Variants in SALL2 observed in about 807,000 individuals in gnomAD.
The protein encoded by SALL2 is sal-like protein 2.
SALL2 carries 32 observed loss-of-function variants against 58.5 expected under a neutral mutation model. The observed-to-expected ratio is 0.55, with a 90% CI of 0.41 to 0.74. The LOEUF is 0.74. Ranked by LOEUF, SALL2 falls within the 30% of genes least tolerant of loss-of-function variation. The pLI is 0.00. For missense variants in SALL2, 1,201 were observed against 1,268.9 expected, an observed-to-expected ratio of 0.95 and a Z score of 0.81; for synonymous variants, 516 against 513.6, an observed-to-expected ratio of 1.00 and a Z score of -0.06.
rs767479470 is a variant in SALL2 at position 21,524,301 on chromosome 14, G to A, written c.1421C>T (p.Pro474Leu). 4.3e-6 allele frequency: 7 copies of A among 1,613,808 alleles called. No homozygotes were observed. The highest frequency in any genetic ancestry group is 5.9e-6 in the Non-Finnish European group (7 of 1,179,928). ...GAGTGCTGTTGTGGAGGCCACCAGA[G>A]GCTTGCGCTCAACCCCTCCACCTGG... ...ATPGGGVERKPLVASTTALSA... is the reference protein window; with the variant it reads ...ATPGGGVERKLLVASTTALSA... Residue 474 changes from proline (P) to leucine (L), a missense_variant, in exon 2 of 2, where the codon CCT (proline) becomes CTT (leucine). By Grantham distance (98) the Pro-to-Leu change is moderately conservative. This residue lies in a region of SALL2 where 675 missense variants were observed against 683.8 expected (regional missense o/e 0.99). Coordinates refer to ENST00000537235, the MANE Select transcript of SALL2 (RefSeq NM_001364564.1).
At chr14:21,537,108 C>G (rs889167007), upstream of SALL2, 2 of 589,994 alleles carry the variant, frequency 3.4e-6, no homozygotes, top group Non-Finnish European at 6.1e-6. Context: ...ATTCTCTGTT[C>G]TTGACTCTCT....
upstream of SALL2, among the ~76,000 whole-genome samples, chr14:21,526,901 G>C (rs1332399289): frequency 2.0e-5 from 3 of 152,014 alleles, no homozygotes; most frequent in Admixed American, 6.6e-5. Flanking sequence ...GCGGCTGCAA[G>C]GTAGAATTTC....
chr14:21,525,534 A>G lies in SALL2; in HGVS notation c.188T>C (p.Ile63Thr). The stretch of plus-strand genomic sequence containing the variant: ...GTTGGGGTTCTCCTGGCCCCCAATT[A>G]TCACCATTACAGGAGGGTCAGTAGA... The part of the protein sequence containing the change: ...ACSTDPPVMV[I>T]IGGQENPNNS... Residue 63 changes from isoleucine (I) to threonine (T), a missense_variant, in exon 2 of 2, where the codon ATA (isoleucine) becomes ACA (threonine). Around this residue, in one of 3 missense-constraint regions of SALL2, gnomAD observed 467 missense variants for 468.9 expected, o/e 1.00. Transcript: ENST00000537235. This position sits in a 1 kb window ranked among gnomAD's most constrained non-coding sequence, Gnocchi z 4.4. 1 of 1,613,966 alleles carries G rather than the reference A, an allele frequency of 6.2e-7. No individual in the cohort carries two copies. Among genetic ancestry groups the G allele is most frequent in the Non-Finnish European group, 8.5e-7 (1 of 1,179,950 alleles).
chr14:21,536,521 G>A (rs1942251513), intron 1 of SALL2, among the ~76,000 whole-genome samples: 1 of 152,246 alleles, frequency 6.6e-6, no homozygotes, highest in Non-Finnish European at 1.5e-5. Flanking sequence ...CAGGTCTGAG[G>A]ACGTTACTTA....
chr14:21,525,088 C>A lies in SALL2; in HGVS notation c.634G>T (p.Gly212Cys). The A allele has an allele frequency of 6.2e-7, 1 of 1,614,148 alleles. No individual in the cohort carries two copies. Among genetic ancestry groups the A allele is most frequent in the Middle Eastern group, 1.6e-4 (1 of 6,062 alleles). The change falls in exon 2 of 2, where the codon GGC becomes TGC. Residue 212 changes from glycine (G) to cysteine (C), a missense_variant. Physicochemically the swap from Gly to Cys is radical, Grantham distance 159. This residue lies in a region of SALL2 where 467 missense variants were observed against 468.9 expected (regional missense o/e 1.00). Coordinates refer to ENST00000537235, the MANE Select transcript of SALL2 (RefSeq NM_001364564.1). This position sits in a 1 kb window ranked among gnomAD's most constrained non-coding sequence, Gnocchi z 4.4. ...CRQVLLLGSLGQTVGAPASPS... is the reference protein window; with the variant it reads ...CRQVLLLGSLCQTVGAPASPS... ...CTGGCAGGGGCACCCACCGTCTGGC[C>A]TAAGGAGCCAAGCAACAGCACCTGC... is the stretch of plus-strand genomic sequence containing the variant.
Position 21,525,542 on chromosome 14 carries a change from T to C in SALL2, c.180A>G (p.Val60=), listed in dbSNP as rs1424081447. Residue 60 remains valine (V), a synonymous_variant, in exon 2 of 2, where the codon GTA becomes GTG. Transcript: ENST00000537235. This position sits in a 1 kb window ranked among gnomAD's most constrained non-coding sequence, Gnocchi z 4.4. The part of the protein sequence containing the change: ...HQNACSTDPP[V]MVIIGGQENP... ...TCTCCTGGCCCCCAATTATCACCAT[T>C]ACAGGAGGGTCAGTAGAACATGCGT... 6.2e-7 allele frequency: 1 copy of C among 1,613,790 alleles called. No homozygotes were observed. Among genetic ancestry groups the C allele is most frequent in the Non-Finnish European group, 8.5e-7 (1 of 1,179,960 alleles).
chr14:21,526,017 C>T lies in SALL2; in HGVS notation c.67+44G>A, dbSNP rs980756283. 5.5e-6 allele frequency: 7 copies of T among 1,263,754 alleles called. No homozygotes were observed. The African/African-American group carries it at 8.9e-5, about 16-fold the overall frequency. The allele number at this position is 1,263,754 out of a possible 1,614,324, so 78.3% of individuals were successfully genotyped here. On this transcript the variant is annotated intron_variant, in intron 1 of 1. Coordinates refer to ENST00000537235, the MANE Select transcript of SALL2 (RefSeq NM_001364564.1). ...AAGTCTTCGCCGCCCCTGCGCATCC[C>T]CCTCCGCCCCCACCCCTGCCCAGCC...
At position 21,534,648 on chromosome 14, in the gene SALL2, G is replaced by T. The variant is rs139954615; in HGVS notation, c.-114+2314C>A. ...GAAGAGGAGAGAATGCTTCTTGGGG[G>T]TTTGGAGGGGTGTTCAGCATAGTTC... is the stretch of plus-strand genomic sequence containing the variant. On this transcript the variant is annotated intron_variant, in intron 1 of 1. Coordinates refer to the SALL2 transcript ENST00000541965. Among the ~76,000 whole-genome samples, 104 of 152,216 alleles carry T rather than the reference G, an allele frequency of 6.8e-4. No individual in the cohort carries two copies. In the East Asian group the frequency reaches 0.018, roughly 26 times the overall value.
intron 1 of SALL2, among the ~76,000 whole-genome samples, chr14:21,533,823 A>G (rs974241760): frequency 1.3e-5 from 2 of 152,174 alleles, no homozygotes; most frequent in Admixed American, 6.5e-5. Flanking sequence ...CATGTTGTAT[A>G]TGGCACATAT....
Position 21,522,293 on chromosome 14 carries a change from C to A in SALL2, c.*411G>T. On this transcript the variant is annotated 3_prime_UTR_variant, in exon 2 of 2. Coordinates refer to ENST00000537235, the MANE Select transcript of SALL2 (RefSeq NM_001364564.1). ...CCACCAGCTGAGCAGAAAGGTCACC[C>A]CAGAGGAGTGGCACTGGGCCCTCCA... The A allele has an allele frequency of 6.5e-7, 1 of 1,527,634 alleles. No homozygotes were observed. The highest frequency in any genetic ancestry group is 1.2e-5 in the South Asian group (1 of 83,318). 94.6% of individuals were successfully genotyped at this position (1,527,634 alleles called of 1,614,324 possible).
chr14:21,527,634 T>A (rs1445545503), upstream of SALL2, among the ~76,000 whole-genome samples: 2 of 152,140 alleles, frequency 1.3e-5, no homozygotes, highest in Admixed American at 1.3e-4. Flanking sequence ...AGCTGCAGTA[T>A]TTTACTCAGA....
At position 21,524,055 on chromosome 14, in the gene SALL2, G is replaced by C. The variant is rs1461902786; in HGVS notation, c.1667C>G (p.Pro556Arg). 6.2e-7 allele frequency: 1 copy of C among 1,614,208 alleles called. No homozygotes were observed. The highest frequency in any genetic ancestry group is 8.5e-7 in the Non-Finnish European group (1 of 1,180,026). The change falls in exon 2 of 2, where the codon CCA becomes CGA. Residue 556 changes from proline to arginine, a missense_variant. By Grantham distance (103) the Pro-to-Arg change is moderately radical (BLOSUM62 -2). This residue lies in a region of SALL2 where 675 missense variants were observed against 683.8 expected (regional missense o/e 0.99). Coordinates refer to ENST00000537235, the MANE Select transcript of SALL2 (RefSeq NM_001364564.1). ...MQLSKLVTSL[P>R]SWALLTNHFK... ...GTGGTTGGTAAGCAGTGCCCAGCTT[G>C]GTAGTGAAGTCACCAACTTACTTAG...
At chr14:21,535,126 A>G (rs1427294748) in intron 1 of SALL2, among the ~76,000 whole-genome samples, 1 of 152,130 alleles carries the variant, frequency 6.6e-6, no homozygotes, top group Non-Finnish European at 1.5e-5. Context: ...CGGGCAGATT[A>G]CGAGATCAGG....
chr14:21,535,128 G>A (rs1446191519), intron 1 of SALL2, among the ~76,000 whole-genome samples: 2 of 152,098 alleles, frequency 1.3e-5, no homozygotes, highest in African/African-American at 2.4e-5. Flanking sequence ...GGCAGATTAC[G>A]AGATCAGGAG....
intron 1 of SALL2, among the ~76,000 whole-genome samples, chr14:21,533,859 T>A (rs1027577385): frequency 6.6e-6 from 1 of 152,324 alleles, no homozygotes; most frequent in South Asian, 2.1e-4. Flanking sequence ...AAAAGACTCC[T>A]GGAAACATTA....
In SALL2 at chr14:21,525,725, A is replaced by G. The variant is rs1054784772; in HGVS notation, c.68-71T>C. 3 of 1,486,292 alleles carry G rather than the reference A, an allele frequency of 2.0e-6. No homozygotes were observed. The highest frequency in any genetic ancestry group is 2.7e-6 in the Non-Finnish European group (3 of 1,112,488). The allele number at this position is 1,486,292 out of a possible 1,614,324, so 92.1% of individuals were successfully genotyped here. ...TGGGTATACCGAGGCTCTAATTAAC[A>G]AGGAGGCCAGTAACCGCTAGTTGGG... On this transcript the variant is annotated intron_variant, in intron 1 of 1. Transcript: ENST00000537235. This position sits in a 1 kb window ranked among gnomAD's most constrained non-coding sequence, Gnocchi z 4.4.
chr14:21,536,208 CTTTTG>C (rs539064728), intron 1 of SALL2, among the ~76,000 whole-genome samples: 13 of 152,324 alleles, frequency 8.5e-5, no homozygotes, highest in East Asian at 3.9e-4. Flanking sequence ...TCTTGCACTT[CTTTTG>C]TTTTGTTTTG....
At position 21,534,687 on chromosome 14, in the gene SALL2, G is replaced by A. The variant is rs118074627; in HGVS notation, c.-114+2275C>T. ...TCAGCATAGTTCCACAATCAAACCA[G>A]CAGGAGAGCAGAACTGTGAGGCAAC... On this transcript the variant is annotated intron_variant, in intron 1 of 1. Transcript: ENST00000541965. Among the ~76,000 whole-genome samples the A allele has an allele frequency of 2.2e-4, 33 of 152,204 alleles. No homozygotes were observed. The East Asian group carries it at 5.8e-3, about 27-fold the overall frequency.
Position 21,523,872 on chromosome 14 carries a change from G to T in SALL2, c.1850C>A (p.Ala617Asp). The change falls in exon 2 of 2, where the codon GCC (alanine) becomes GAC (aspartate). Residue 617 changes from alanine (A) to aspartate (D), a missense_variant. Coordinates refer to ENST00000537235, the MANE Select transcript of SALL2 (RefSeq NM_001364564.1). The surrounding 1 kb of genome is among the most constrained non-coding windows in gnomAD (Gnocchi z 4.4). Reference sequence around the variant, plus strand: ...AGAGGCTGAGGATGAAGGTGCAGGGGCAGAGGTGGTGGGGGCTCCTGAGGC... The same window carrying T: ...AGAGGCTGAGGATGAAGGTGCAGGGTCAGAGGTGGTGGGGGCTCCTGAGGC... Reference protein sequence around the residue: ...SAASGAPTTSAPAPSSSASSG... With the variant: ...SAASGAPTTSDPAPSSSASSG... 6.2e-7 allele frequency: 1 copy of T among 1,614,232 alleles called. No individual in the cohort carries two copies. The highest frequency in any genetic ancestry group is 8.5e-7 in the Non-Finnish European group (1 of 1,180,048).
Sources: gnomAD v4.1 joint callset for allele counts (sites outside exome capture counted in the v4.1 genomes callset) on GRCh38, gnomAD v4.1.1 for gene constraint, gnomAD v4.1.1 regional missense constraint, Gnocchi (gnomAD v3.1) non-coding constraint, MANE v1.5 for transcripts, NCBI Gene and HGNC (gene_info 2026-07-23, HGNC 2026-07-21) for gene names.